The following GPC6 variants were observed in gnomAD, a reference collection of about 807,000 sequenced individuals.
The protein encoded by GPC6 is glypican-6.
A neutral mutation model predicts 55.2 loss-of-function variants in GPC6; 14 were observed. The ratio of observed to expected loss-of-function variants is 0.25; its 90% CI spans 0.17 to 0.40. The LOEUF (loss-of-function observed/expected upper bound fraction) is 0.40, where lower values mean the gene tolerates loss of function less well. Ranked by LOEUF, GPC6 falls within the 10% of genes least tolerant of loss-of-function variation. The pLI is 1.00. For synonymous variants in GPC6, 278 were observed against 259.6 expected (o/e 1.07, Z -0.68); for missense variants, 641 against 708.5 (o/e 0.90, Z 1.08).
At position 93,786,987 on chromosome 13, in the gene GPC6, T is replaced by C. The variant is rs1292633062; in HGVS notation, c.320-43167T>C. The stretch of plus-strand genomic sequence containing the variant: ...ATTATTTCAGCAAATCACTTCCTAT[T>C]GTTGTACATTTTAAGGATGTACTGA... On this transcript the variant is annotated intron_variant, in intron 2 of 8. Coordinates refer to ENST00000377047, the MANE Select transcript of GPC6 (RefSeq NM_005708.5). 1.1e-4 allele frequency among the ~76,000 whole-genome samples: 17 copies of C among 152,214 alleles called. No homozygotes were observed. In the East Asian group the frequency reaches 3.3e-3, roughly 29 times the overall value.
intron 1 of GPC6, among the ~76,000 whole-genome samples, chr13:93,540,064 GT>G (rs1248952207): frequency 6.6e-6 from 1 of 152,086 alleles, no homozygotes; most frequent in Non-Finnish European, 1.5e-5. Flanking sequence ...GCCTTACTTG[GT>G]CGATTTTTTT....
intron 2 of GPC6, among the ~76,000 whole-genome samples, chr13:93,627,889 A>G (rs142893794): frequency 3.0e-4 from 45 of 152,304 alleles, no homozygotes; most frequent in African/African-American, 9.4e-4. Flanking sequence ...CTTTTATTAG[A>G]TATCTCTCAA....
chr13:94,010,822 T>G (rs1233935206), intron 3 of GPC6, among the ~76,000 whole-genome samples: 2 of 152,152 alleles, frequency 1.3e-5, no homozygotes, highest in African/African-American at 4.8e-5. Context: ...AATGCAGAAA[T>G]TAATGGTGGA....
chr13:94,051,408 G>T (rs1448449160), intron 4 of GPC6, among the ~76,000 whole-genome samples: 1 of 152,092 alleles, frequency 6.6e-6, no homozygotes. Context: ...CAGCTTGGCA[G>T]GCTGTTTTGC....
chr13:93,844,648 A>T (rs1204067865), intron 3 of GPC6, among the ~76,000 whole-genome samples: 77 of 148,386 alleles, frequency 5.2e-4, no homozygotes, highest in African/African-American at 1.6e-3. Context: ...CTTTAGTTTA[A>T]TTAGATCCCA....
intron 3 of GPC6, among the ~76,000 whole-genome samples, chr13:94,015,265 A>T (rs1405679511): frequency 6.6e-6 from 1 of 152,008 alleles, no homozygotes; most frequent in South Asian, 2.1e-4. Context: ...TTTGATTTGC[A>T]TTTCCCTAAT....
At chr13:93,527,233 G>C (rs889554917) in intron 1 of GPC6, among the ~76,000 whole-genome samples, 6 of 151,988 alleles carry the variant, frequency 3.9e-5, no homozygotes, top group Non-Finnish European at 7.4e-5. Context: ...TGTGGTAAGA[G>C]CACCTAACAT....
At chr13:94,151,664 AGAGAT>A (rs1274972014) in intron 4 of GPC6, among the ~76,000 whole-genome samples, 1 of 152,112 alleles carries the variant, frequency 6.6e-6, no homozygotes, top group African/African-American at 2.4e-5. Flanking sequence ...GTGATGGCAG[AGAGAT>A]GTCTTTATCC....
chr13:93,284,172 G>T (rs1296864506), intron 1 of GPC6, among the ~76,000 whole-genome samples: 1 of 152,148 alleles, frequency 6.6e-6, no homozygotes, highest in African/African-American at 2.4e-5. Flanking sequence ...ATTTAAAAGG[G>T]TGTAGTTTTA....
intron 4 of GPC6, among the ~76,000 whole-genome samples, chr13:94,231,189 G>C (rs575493295): frequency 2.6e-5 from 4 of 152,094 alleles, no homozygotes; most frequent in African/African-American, 9.7e-5. Context: ...AAACACTGCC[G>C]TGTTCACATC....
In GPC6 at chr13:93,343,693, C is replaced by T. The variant is rs370689996; in HGVS notation, c.160+116077C>T. 1.1e-4 allele frequency among the ~76,000 whole-genome samples: 17 copies of T among 152,284 alleles called. No homozygotes were observed. The East Asian group carries it at 1.2e-3, about 10-fold the overall frequency. ...CAATATCTCCTATAGAATTGTCATT[C>T]CTTAGTCTCTGAGAAGACCTCTCTT... On this transcript the variant is annotated intron_variant, in intron 1 of 8. Coordinates refer to ENST00000377047, the MANE Select transcript of GPC6 (RefSeq NM_005708.5).
At chr13:93,472,603 G>T (rs955713973) in intron 1 of GPC6, among the ~76,000 whole-genome samples, 1 of 152,188 alleles carries the variant, frequency 6.6e-6, no homozygotes, top group Non-Finnish European at 1.5e-5. Context: ...GAACTGCAGG[G>T]CCCCAAAGAG....
intron 1 of GPC6, among the ~76,000 whole-genome samples, chr13:93,359,841 T>G (rs1285783992): frequency 6.7e-6 from 1 of 149,864 alleles, no homozygotes; most frequent in Non-Finnish European, 1.5e-5. Context: ...ATCTGAACAT[T>G]TTTTTTAATC....
intron 3 of GPC6, among the ~76,000 whole-genome samples, chr13:93,941,972 G>T (rs527748494): frequency 6.6e-6 from 1 of 152,082 alleles, no homozygotes; most frequent in Non-Finnish European, 1.5e-5. Context: ...GAGGTACCTG[G>T]TATACAGAAA....
intron 2 of GPC6, among the ~76,000 whole-genome samples, chr13:93,765,256 A>ATAAGCTGTCTGGAAAGACAACTTTCCAGT (rs2138883065): frequency 3.8e-5 from 3 of 78,750 alleles, no homozygotes; most frequent in South Asian, 3.9e-4. Context: ...AACTTTCCAG[A>ATAAGCTGTCTGGAAAGACAACTTTCCAGT]TAAGCTGTCT....
intron 1 of GPC6, among the ~76,000 whole-genome samples, chr13:93,449,043 A>C (rs552929817): frequency 1.3e-5 from 2 of 152,244 alleles, no homozygotes; most frequent in Admixed American, 6.5e-5. Flanking sequence ...GTGTAAAGGC[A>C]CAAGACATTG....
chr13:93,853,875 CA>C (rs1888507428), intron 3 of GPC6, among the ~76,000 whole-genome samples: 1 of 151,588 alleles, frequency 6.6e-6, no homozygotes, highest in Non-Finnish European at 1.5e-5. Context: ...TTAAAATTCA[CA>C]AAACTACTCA....
rs9589807 is a variant in GPC6, at chr13:93,656,773, A to G, written c.319+111352A>G. Among the ~76,000 whole-genome samples, 74,393 of 151,902 alleles carry G rather than the reference A, an allele frequency of 0.49. 20,767 individuals carry two copies. The highest frequency in any genetic ancestry group is 0.76 in the Middle Eastern group (223 of 292). The stretch of plus-strand genomic sequence containing the variant: ...CTAAAAGTTTCTGAATACAAAATCA[A>G]TGTGCAAAAATCACTAGCATTTCTA... On this transcript the variant is annotated intron_variant, in intron 2 of 8. Coordinates refer to ENST00000377047, the MANE Select transcript of GPC6 (RefSeq NM_005708.5).
chr13:93,563,282 T>A (rs956718251), intron 2 of GPC6, among the ~76,000 whole-genome samples: 7 of 152,206 alleles, frequency 4.6e-5, no homozygotes, highest in Admixed American at 1.3e-4. Context: ...AAGTAAATCA[T>A]GGTGGGAGGG....
Sources: gnomAD v4.1 joint callset for allele counts (sites outside exome capture counted in the v4.1 genomes callset) on GRCh38, gnomAD v4.1.1 for gene constraint, MANE v1.5 for transcripts, NCBI Gene and HGNC (gene_info 2026-07-23, HGNC 2026-07-21) for gene names.